TMX4: variants seen among roughly 807,000 people sequenced by gnomAD.
The protein encoded by TMX4 is thioredoxin related transmembrane protein 4, also known as thioredoxin-related transmembrane protein 4.
TMX4 carries 23 observed loss-of-function variants against 33.3 expected under a neutral mutation model. The observed-to-expected ratio is 0.69, with a 90% CI of 0.50 to 0.98. The LOEUF (loss-of-function observed/expected upper bound fraction) is 0.98, where lower values mean the gene tolerates loss of function less well. TMX4 is among the 50% of genes least tolerant of loss of function. The pLI is 0.00. For missense variants in TMX4, 399 were observed against 448.9 expected, an observed-to-expected ratio of 0.89 and a Z score of 1.01; for synonymous variants, 164 against 161.5, an observed-to-expected ratio of 1.02 and a Z score of -0.12.
At chr20:8,008,954 C>T (rs1242402500) in intron 2 of TMX4, among the ~76,000 whole-genome samples, 1 of 152,074 alleles carries the variant, frequency 6.6e-6, no homozygotes, top group Admixed American at 6.6e-5. Context: ...TTAACATGTA[C>T]CATCTATTCT....
intron 3 of TMX4, 102 bp downstream of exon 3, chr20:8,001,394 G>T: frequency 8.2e-7 from 1 of 1,217,676 alleles, no homozygotes; most frequent in Non-Finnish European, 1.2e-6. Flanking sequence ...TCCCTCACAT[G>T]TTAAGCTGAA....
chr20:7,982,404 CT>C lies in TMX4; in HGVS notation c.896del (p.Gln299ArgfsTer9). 1.2e-6 allele frequency: 2 copies of C among 1,614,098 alleles called. No homozygotes were observed. Among genetic ancestry groups the C allele is most frequent in the Non-Finnish European group, 1.7e-6 (2 of 1,180,028 alleles). On this transcript the variant is annotated frameshift_variant, in exon 8 of 8. Transcript: ENST00000246024. LOFTEE classifies it low-confidence loss of function (END_TRUNC). ...TCACACCGTCCTCTCCTGGGGGCCCCTGATCATTGGCCTCACTTCTCTCCTC... is the reference window on the plus strand; with the variant it reads ...TCACACCGTCCTCTCCTGGGGGCCCCGATCATTGGCCTCACTTCTCTCCTC... ...VDEERSEAND[Q>X]GPPGEDGVTR... is the part of the protein sequence containing the mutation.
intron 1 of TMX4, 35 bp downstream of exon 1, chr20:8,019,403 A>T (rs1270796883): frequency 6.6e-7 from 1 of 1,509,060 alleles, no homozygotes; most frequent in Non-Finnish European, 8.9e-7. Flanking sequence ...GCCCGCGAGG[A>T]CACTGCGGCG....
intron 1 of TMX4, chr20:8,013,750 C>T (rs1352647669): frequency 2.0e-5 from 3 of 152,156 alleles, no homozygotes; most frequent in East Asian, 1.9e-4. Context: ...ATTTTATTAA[C>T]GATAAATTTT....
intron 1 of TMX4, among the ~76,000 whole-genome samples, chr20:8,015,008 CTTTT>C (rs79573868): frequency 9.1e-5 from 13 of 142,938 alleles, no homozygotes; most frequent in Non-Finnish European, 1.8e-4. Flanking sequence ...TTCTTTTTTT[CTTTT>C]TTTTTTTTTT....
rs531197299 is a variant in TMX4, at chr20:7,989,073, C to T, written c.514-1684G>A. Among the ~76,000 whole-genome samples, 6 of 151,570 alleles carry T rather than the reference C, an allele frequency of 4.0e-5. No individual in the cohort carries two copies. The South Asian group carries it at 8.3e-4, about 21-fold the overall frequency. On this transcript the variant is annotated intron_variant, in intron 5 of 7. Transcript: ENST00000246024. ...ATTTTACAACTCAGCAAGCAAAAGG[C>T]GTGTTTGAGATATCAAAACATCATT...
At chr20:8,015,242 T>G (rs926109918) in intron 1 of TMX4, among the ~76,000 whole-genome samples, 1 of 152,206 alleles carries the variant, frequency 6.6e-6, no homozygotes, top group African/African-American at 2.4e-5. Flanking sequence ...CATTCGCATG[T>G]TTTTAAATAC....
intron 3 of TMX4, 111 bp downstream of exon 3, chr20:8,001,385 C>G (rs1342344800): frequency 5.4e-6 from 6 of 1,119,878 alleles, no homozygotes; most frequent in African/African-American, 1.6e-5. Flanking sequence ...AGCCTTGTTT[C>G]CCTCACATGT....
chr20:7,992,568 T>C (rs1421702034), intron 5 of TMX4, among the ~76,000 whole-genome samples: 1 of 152,172 alleles, frequency 6.6e-6, no homozygotes, highest in African/African-American at 2.4e-5. Context: ...CTCAACAGTT[T>C]ACTCAAGCAA....
Position 7,982,449 on chromosome 20 carries a change from G to A in TMX4, c.852C>T (p.Asn284=). Residue 284 remains asparagine (N), a synonymous_variant, in exon 8 of 8, where the codon AAC becomes AAT. Coordinates refer to ENST00000246024, the MANE Select transcript of TMX4 (RefSeq NM_021156.4). The part of the protein sequence containing the change: ...DEAEEEEEED[N]LAAGVDEERS... The stretch of plus-strand genomic sequence containing the variant: ...TCTCCTCATCCACACCAGCAGCCAA[G>A]TTGTCCTCCTCCTCTTCTTCCTCTG... 1 of 1,614,076 alleles carries A rather than the reference G, an allele frequency of 6.2e-7. No individual in the cohort carries two copies. Among genetic ancestry groups the A allele is most frequent in the African/African-American group, 1.3e-5 (1 of 75,020 alleles).
At chr20:8,018,303 T>G in intron 1 of TMX4, among the ~76,000 whole-genome samples, 1 of 83,426 alleles carries the variant, frequency 1.2e-5, no homozygotes, top group Non-Finnish European at 2.4e-5. Flanking sequence ...GGAAAGGAGT[T>G]GTGGGAGGGG....
At chr20:7,992,276 G>A (rs1464568045) in intron 5 of TMX4, among the ~76,000 whole-genome samples, 3 of 152,204 alleles carry the variant, frequency 2.0e-5, no homozygotes, top group African/African-American at 7.2e-5. Flanking sequence ...GACTCCATCT[G>A]TGAGATGGGT....
At chr20:7,996,302 G>A (rs1034934646) in intron 4 of TMX4, among the ~76,000 whole-genome samples, 14 of 151,878 alleles carry the variant, frequency 9.2e-5, no homozygotes, top group South Asian at 2.1e-4. Flanking sequence ...GTGCCTACCC[G>A]GCAAAAATCT....
intron 6 of TMX4, among the ~76,000 whole-genome samples, chr20:7,986,249 G>C (rs2050630532): frequency 6.6e-6 from 1 of 152,158 alleles, no homozygotes; most frequent in South Asian, 2.1e-4. Flanking sequence ...ATCTAAGTAA[G>C]TCCCATTCTT....
intron 2 of TMX4, among the ~76,000 whole-genome samples, chr20:8,002,209 T>C (rs562593222): frequency 6.6e-6 from 1 of 152,248 alleles, no homozygotes; most frequent in South Asian, 2.1e-4. Flanking sequence ...CAAAGATAAA[T>C]AAAACCCTTA....
In TMX4 at chr20:8,018,401, GGAGGGA is replaced by G. The variant is rs369916960; in HGVS notation, c.176+1031_176+1036del. Among the ~76,000 whole-genome samples the G allele has an allele frequency of 3.0e-4, 16 of 52,462 alleles. 3 individuals carry two copies. The highest frequency in any genetic ancestry group is 1.0e-3 in the African/African-American group (13 of 12,430). 34.4% of individuals were successfully genotyped at this position (52,462 alleles called of 152,430 possible). A position where few individuals can be genotyped will look rare whatever the true frequency, so the allele number is the denominator to read the frequency against. ...AGGAGAGAGAGAGAGAGGGAGGGAG[GGAGGGA>G]GAGAGAGAGAGAGAGAAGAGAGAGA... On this transcript the variant is annotated intron_variant, in intron 1 of 7. Transcript: ENST00000246024.
intron 5 of TMX4, among the ~76,000 whole-genome samples, chr20:7,992,973 A>C (rs1427303960): frequency 6.6e-6 from 1 of 152,246 alleles, no homozygotes; most frequent in Non-Finnish European, 1.5e-5. Flanking sequence ...TTGATCTCTA[A>C]GCATTTTCCT....
chr20:7,993,030 C>T (rs2050661649), intron 5 of TMX4, among the ~76,000 whole-genome samples: 1 of 152,190 alleles, frequency 6.6e-6, no homozygotes, highest in Non-Finnish European at 1.5e-5. Flanking sequence ...ACTGTTTTGT[C>T]ATCTTCCCTG....
chr20:8,002,439 G>A (rs2050711532), intron 2 of TMX4, among the ~76,000 whole-genome samples: 1 of 152,186 alleles, frequency 6.6e-6, no homozygotes, highest in Non-Finnish European at 1.5e-5. Flanking sequence ...AATGCTGAAT[G>A]AGACTAGGAG....
Sources: gnomAD v4.1 joint callset for allele counts (sites outside exome capture counted in the v4.1 genomes callset) on GRCh38, gnomAD v4.1.1 for gene constraint, MANE v1.5 for transcripts, NCBI Gene and HGNC (gene_info 2026-07-23, HGNC 2026-07-21) for gene names.